C1QTNF3: variants seen among roughly 807,000 people sequenced by gnomAD.
C1QTNF3 encodes the protein C1q and TNF related 3.
In C1QTNF3, 26 loss-of-function variants were observed where a neutral mutation model predicts 32.6. The ratio of observed to expected loss-of-function variants is 0.80; its 90% confidence interval spans 0.58 to 1.11. The LOEUF (loss-of-function observed/expected upper bound fraction) is 1.11, where lower values mean the gene tolerates loss of function less well. Among genes scored for constraint, C1QTNF3 ranks in the 50% least tolerant of loss-of-function variants. C1QTNF3 has a pLI of 0.00. For missense variants in C1QTNF3, 362 were observed against 398.2 expected (o/e 0.91, Z 0.77); for synonymous variants, 155 against 146.0 (o/e 1.06, Z -0.44).
At chr5:34,053,857 A>G in the C1QTNF3 span, among the ~76,000 whole-genome samples, 1 of 152,344 alleles carries the variant, frequency 6.6e-6, no homozygotes, top group Non-Finnish European at 1.5e-5. Flanking sequence ...CATATTGTGT[A>G]TCTAGTACAA....
At chr5:34,217,467 A>G in the C1QTNF3 span, among the ~76,000 whole-genome samples, 1 of 152,098 alleles carries the variant, frequency 6.6e-6, no homozygotes, top group Non-Finnish European at 1.5e-5. Flanking sequence ...TCAATGAATG[A>G]CTTCTATCTT....
chr5:34,082,011 AT>A, the C1QTNF3 span, among the ~76,000 whole-genome samples: 1 of 151,708 alleles, frequency 6.6e-6, no homozygotes, highest in African/African-American at 2.4e-5. Flanking sequence ...CCCAAAATTG[AT>A]TTTTTCCCCC....
At chr5:34,236,167 T>C in the C1QTNF3 span, among the ~76,000 whole-genome samples, 2 of 152,164 alleles carry the variant, frequency 1.3e-5, no homozygotes, top group African/African-American at 4.8e-5. Flanking sequence ...TGCCCTAATA[T>C]AAAGTATATA....
At chr5:34,219,059 CT>C in the C1QTNF3 span, among the ~76,000 whole-genome samples, 161 of 152,060 alleles carry the variant, frequency 1.1e-3, 1 homozygote, top group African/African-American at 3.6e-3. Context: ...ATTTTGAATA[CT>C]TTTTTTAAAA....
At chr5:34,174,793 G>A in the C1QTNF3 span, among the ~76,000 whole-genome samples, 2 of 152,110 alleles carry the variant, frequency 1.3e-5, no homozygotes, top group African/African-American at 4.8e-5. Context: ...AGGCTGGAGT[G>A]CGGTGGCACA....
the C1QTNF3 span, among the ~76,000 whole-genome samples, chr5:34,063,338 CTCTT>C: frequency 2.0e-5 from 3 of 151,834 alleles, no homozygotes; most frequent in African/African-American, 7.3e-5. Context: ...CTCTCTGTCT[CTCTT>C]TCTCTCTCCT....
chr5:34,197,620 G>A, the C1QTNF3 span, among the ~76,000 whole-genome samples: 2 of 152,072 alleles, frequency 1.3e-5, no homozygotes, highest in Non-Finnish European at 2.9e-5. Context: ...ATGGATTTGG[G>A]TAGGTGGTTC....
chr5:34,131,788 C>A, the C1QTNF3 span, among the ~76,000 whole-genome samples: 1 of 151,996 alleles, frequency 6.6e-6, no homozygotes, highest in Non-Finnish European at 1.5e-5. Flanking sequence ...GTTCCCATCA[C>A]AAAGAAATGA....
At chr5:34,238,941 T>C in the C1QTNF3 span, among the ~76,000 whole-genome samples, 1 of 152,052 alleles carries the variant, frequency 6.6e-6, no homozygotes, top group Non-Finnish European at 1.5e-5. Context: ...TAGTAGTAAA[T>C]ATCTCAGCAA....
the C1QTNF3 span, among the ~76,000 whole-genome samples, chr5:34,147,101 C>T: frequency 6.6e-6 from 1 of 151,990 alleles, no homozygotes; most frequent in Admixed American, 6.6e-5. Context: ...CAATGAGATA[C>T]TATCTCATGC....
At chr5:34,089,297 G>C in the C1QTNF3 span, among the ~76,000 whole-genome samples, 1 of 152,056 alleles carries the variant, frequency 6.6e-6, no homozygotes, top group Non-Finnish European at 1.5e-5. Context: ...ACCTTGTTAT[G>C]ATCAAAATGT....
chr5:34,061,948 A>T, the C1QTNF3 span, among the ~76,000 whole-genome samples: 158 of 152,258 alleles, frequency 1.0e-3, no homozygotes, highest in Middle Eastern at 6.8e-3. Flanking sequence ...TTTCTATTGC[A>T]TTGTCAGGCT....
the C1QTNF3 span, among the ~76,000 whole-genome samples, chr5:34,162,657 C>T: frequency 6.6e-6 from 1 of 152,078 alleles, no homozygotes; most frequent in African/African-American, 2.4e-5. Context: ...TAAAATATTA[C>T]AGAAATTTGT....
chr5:34,054,859 T>C, the C1QTNF3 span, among the ~76,000 whole-genome samples: 3 of 152,146 alleles, frequency 2.0e-5, no homozygotes, highest in Non-Finnish European at 4.4e-5. Context: ...TTCTCCCTCC[T>C]TTTCCTTTTT....
chr5:34,095,291 A>G, the C1QTNF3 span, among the ~76,000 whole-genome samples: 1 of 151,676 alleles, frequency 6.6e-6, no homozygotes, highest in Non-Finnish European at 1.5e-5. Context: ...GATCTCTTAC[A>G]TTATTAATCA....
the C1QTNF3 span, among the ~76,000 whole-genome samples, chr5:34,125,205 A>G: frequency 2.0e-5 from 3 of 152,170 alleles, no homozygotes; most frequent in Admixed American, 6.5e-5. Flanking sequence ...AATGTTGTAT[A>G]CGTAACCTCC....
the C1QTNF3 span, among the ~76,000 whole-genome samples, chr5:34,153,867 A>AAAAAAAAAC: frequency 1.3e-5 from 2 of 149,602 alleles, no homozygotes. Flanking sequence ...AAAAAAAAAA[A>AAAAAAAAAC]AAAAAAAACA....
At chr5:34,134,291 C>T in the C1QTNF3 span, among the ~76,000 whole-genome samples, 1 of 151,968 alleles carries the variant, frequency 6.6e-6, no homozygotes, top group Non-Finnish European at 1.5e-5. Flanking sequence ...CCTTGCAAAC[C>T]ATTTGCACAG....
chr5:34,222,071 G>A, the C1QTNF3 span, among the ~76,000 whole-genome samples: 1 of 151,756 alleles, frequency 6.6e-6, no homozygotes, highest in East Asian at 1.9e-4. Flanking sequence ...TAGATATTTC[G>A]CTTGTGGTAT....
Sources: gnomAD v4.1 joint callset for allele counts (sites outside exome capture counted in the v4.1 genomes callset) on GRCh38, gnomAD v4.1.1 for gene constraint, MANE v1.5 for transcripts, NCBI Gene and HGNC (gene_info 2026-07-23, HGNC 2026-07-21) for gene names.